Variants in CNBD1 observed in about 807,000 individuals in gnomAD.
CNBD1 encodes cyclic nucleotide-binding domain-containing protein 1.
Under a neutral mutation model 54.4 loss-of-function variants are expected in CNBD1, and 71 were observed. The observed-to-expected ratio is 1.30, with a 90% CI of 1.08 to 1.59. The LOEUF is 1.59. Among genes scored for constraint, CNBD1 ranks in the 40% most tolerant of loss-of-function variants. The pLI, the probability that CNBD1 is intolerant of heterozygous loss-of-function variation, is 0.00. For missense variants in CNBD1, 659 were observed against 518.0 expected (o/e 1.27, Z -2.64); for synonymous variants, 182 against 170.7 (o/e 1.07, Z -0.51).
intron 2 of CNBD1, among the ~76,000 whole-genome samples, chr8:87,391,809 A>C (rs1811315547): frequency 6.6e-6 from 1 of 152,100 alleles, no homozygotes. Flanking sequence ...ACAAAAGCCC[A>C]ACCAAAAAAT....
chr8:87,030,866 C>G (rs1278761439), intron 4 of CNBD1, among the ~76,000 whole-genome samples: 2 of 106,860 alleles, frequency 1.9e-5, no homozygotes, highest in African/African-American at 7.3e-5. Flanking sequence ...TCTCCTCCCT[C>G]TCCTCCCCTC....
intron 8 of CNBD1, among the ~76,000 whole-genome samples, chr8:87,332,142 G>A (rs1283316015): frequency 2.6e-5 from 4 of 152,132 alleles, no homozygotes; most frequent in Non-Finnish European, 2.9e-5. Flanking sequence ...GAGGTCAGGA[G>A]TTCGAGATCA....
At chr8:87,137,204 T>C (rs965244532) in intron 4 of CNBD1, among the ~76,000 whole-genome samples, 5 of 143,098 alleles carry the variant, frequency 3.5e-5, no homozygotes, top group African/African-American at 1.3e-4. Context: ...ATTATATATA[T>C]ATTATATTTA....
intron 5 of CNBD1, among the ~76,000 whole-genome samples, chr8:87,214,811 T>C (rs1814173742): frequency 6.6e-6 from 1 of 152,094 alleles, no homozygotes; most frequent in Non-Finnish European, 1.5e-5. Context: ...CCGTCAGCTC[T>C]TGTGAGACTT....
At chr8:87,240,716 A>T (rs1807679288) in intron 6 of CNBD1, among the ~76,000 whole-genome samples, 1 of 152,086 alleles carries the variant, frequency 6.6e-6, no homozygotes, top group South Asian at 2.1e-4. Flanking sequence ...GGAGGCTGGG[A>T]ATTAAAGGCA....
At chr8:86,880,102 G>T (rs1323502202) in intron 1 of CNBD1, among the ~76,000 whole-genome samples, 1 of 152,098 alleles carries the variant, frequency 6.6e-6, no homozygotes, top group Non-Finnish European at 1.5e-5. Flanking sequence ...CATTAGTTAG[G>T]CCATTATTGT....
intron 4 of CNBD1, among the ~76,000 whole-genome samples, chr8:87,172,434 G>A (rs1813108241): frequency 6.6e-6 from 1 of 151,972 alleles, no homozygotes; most frequent in Non-Finnish European, 1.5e-5. Flanking sequence ...TTGATTTTCT[G>A]TCTGGAAGAT....
Position 87,238,066 on chromosome 8 carries a change from A to AT in CNBD1, c.771+966dup, listed in dbSNP as rs60115832. On this transcript the variant is annotated intron_variant, in intron 6 of 10. Coordinates refer to ENST00000518476, the MANE Select transcript of CNBD1 (RefSeq NM_173538.3). The stretch of plus-strand genomic sequence containing the variant: ...GCTGTAATTAGGGCTTCAAAGACCG[A>AT]TTTTTTTTTTTTAATGTTCAAACTC... 1.7e-3 allele frequency among the ~76,000 whole-genome samples: 232 copies of AT among 136,596 alleles called. 1 individual carries two copies. The highest frequency in any genetic ancestry group is 3.3e-3 in the African/African-American group (105 of 32,184). The allele number at this position is 136,596 out of a possible 152,430, so 89.6% of individuals were successfully genotyped here.
At chr8:87,330,913 A>G (rs995725547) in intron 8 of CNBD1, among the ~76,000 whole-genome samples, 2 of 152,204 alleles carry the variant, frequency 1.3e-5, no homozygotes, top group African/African-American at 4.8e-5. Context: ...CTCATAGCCA[A>G]CATATAGTTG....
intron 4 of CNBD1, among the ~76,000 whole-genome samples, chr8:87,047,325 A>C (rs1015672217): frequency 1.3e-5 from 2 of 152,184 alleles, no homozygotes; most frequent in African/African-American, 4.8e-5. Context: ...TTGATGGTTA[A>C]GGGCAAAGCT....
chr8:86,902,300 G>C (rs542748400), intron 2 of CNBD1, among the ~76,000 whole-genome samples: 5 of 151,964 alleles, frequency 3.3e-5, no homozygotes, highest in African/African-American at 9.7e-5. Context: ...TGGGAGTTGG[G>C]GGGGGAGCCA....
chr8:87,036,393 G>C (rs959561581), intron 4 of CNBD1, among the ~76,000 whole-genome samples: 4 of 152,010 alleles, frequency 2.6e-5, no homozygotes, highest in African/African-American at 9.7e-5. Context: ...AGGAGATCGA[G>C]ACCATCCTGG....
intron 8 of CNBD1, among the ~76,000 whole-genome samples, chr8:87,307,131 A>G (rs1444932237): frequency 6.6e-6 from 1 of 152,192 alleles, no homozygotes. Context: ...TTTCTAACAG[A>G]TTCGTCTTAG....
chr8:86,939,939 C>A (rs1451571277), intron 4 of CNBD1, 185 bp downstream of exon 4: 2 of 407,432 alleles, frequency 4.9e-6, no homozygotes, highest in East Asian at 3.8e-5. Flanking sequence ...TGAATTCAGT[C>A]TTCAATGGTG....
At chr8:86,868,301 C>T (rs1292218639) in intron 1 of CNBD1, among the ~76,000 whole-genome samples, 1 of 152,092 alleles carries the variant, frequency 6.6e-6, no homozygotes, top group Non-Finnish European at 1.5e-5. Context: ...GATTTAGTGA[C>T]TCATATTCAC....
chr8:87,419,205 C>T (rs970712415), intron 2 of CNBD1, among the ~76,000 whole-genome samples: 4 of 151,838 alleles, frequency 2.6e-5, no homozygotes, highest in Admixed American at 1.3e-4. Flanking sequence ...ACATATTGTA[C>T]GACTGCATTT....
chr8:87,424,326 T>C (rs1016936397), intron 2 of CNBD1, among the ~76,000 whole-genome samples: 4 of 152,104 alleles, frequency 2.6e-5, no homozygotes, highest in African/African-American at 7.2e-5. Flanking sequence ...AGCTTTTGAA[T>C]GTGTTTGCTC....
intron 8 of CNBD1, among the ~76,000 whole-genome samples, chr8:87,344,055 T>A (rs1810120717): frequency 6.6e-6 from 1 of 152,084 alleles, no homozygotes; most frequent in African/African-American, 2.4e-5. Flanking sequence ...GGTATGTAGT[T>A]TGTAACAGAG....
chr8:87,281,983 G>T (rs142289469), intron 6 of CNBD1, among the ~76,000 whole-genome samples: 58 of 142,038 alleles, frequency 4.1e-4, no homozygotes, highest in African/African-American at 1.5e-3. Flanking sequence ...AATATTTTTG[G>T]TATTTTTCAA....
Sources: allele counts gnomAD v4.1 joint callset (sites outside exome capture counted in the v4.1 genomes callset), GRCh38; gene constraint gnomAD v4.1.1; transcripts MANE v1.5; gene names NCBI Gene and HGNC (gene_info 2026-07-23, HGNC 2026-07-21).